The following MYO3B variants were observed in gnomAD, a reference collection of about 807,000 sequenced individuals.
MYO3B encodes myosin-IIIb.
In MYO3B, 156 loss-of-function variants were observed where a neutral mutation model predicts 174.6. That is an observed-to-expected ratio of 0.89 (90% CI 0.78 to 1.02). MYO3B has a LOEUF of 1.02. Ranked by LOEUF, MYO3B falls within the 50% of genes least tolerant of loss-of-function variation. MYO3B has a pLI of 0.00. For synonymous variants in MYO3B, 563 were observed against 569.1 expected (o/e 0.99, Z 0.15); for missense variants, 1,632 against 1,639.4 (o/e 1.00, Z 0.08).
At chr2:170,615,013 T>TGAC (rs1456078887) in intron 32 of MYO3B, among the ~76,000 whole-genome samples, 9 of 152,192 alleles carry the variant, frequency 5.9e-5, no homozygotes, top group African/African-American at 2.2e-4. Context: ...ACTTTCTGTT[T>TGAC]CTTACATTAA....
At chr2:170,543,160 A>G (rs1233742791) in intron 31 of MYO3B, among the ~76,000 whole-genome samples, 194 bp downstream of exon 31, 2 of 152,204 alleles carry the variant, frequency 1.3e-5, no homozygotes, top group Non-Finnish European at 2.9e-5. Context: ...ACAGGGAGGT[A>G]CAGGGGAGAG....
rs1031723347 is a variant in MYO3B, at chr2:170,622,718, A to C, written c.3734-28910A>C. Among the ~76,000 whole-genome samples, 85 of 126,520 alleles carry C rather than the reference A, an allele frequency of 6.7e-4. No individual in the cohort carries two copies. In the East Asian group the frequency reaches 0.013, roughly 19 times the overall value. 83.0% of individuals were successfully genotyped at this position (126,520 alleles called of 152,430 possible). On this transcript the variant is annotated intron_variant, in intron 32 of 34. Transcript: ENST00000408978. ...GGTATATCTCCTAATGCTATCCCTC[A>C]CCCCTCCCCCCACCCCACAACAGGC...
intron 6 of MYO3B, among the ~76,000 whole-genome samples, chr2:170,217,990 G>C (rs1160618183): frequency 1.3e-5 from 2 of 152,334 alleles, no homozygotes; most frequent in Admixed American, 1.3e-4. Flanking sequence ...CACCAGTGCA[G>C]TTTAGTTTTT....
intron 32 of MYO3B, among the ~76,000 whole-genome samples, chr2:170,574,651 T>C (rs1443626453): frequency 1.3e-5 from 2 of 152,190 alleles, no homozygotes; most frequent in East Asian, 3.8e-4. Context: ...AGGACAGTTA[T>C]GGTGAGTTGT....
chr2:170,482,830 C>G lies in MYO3B; in HGVS notation c.3015-15762C>G, dbSNP rs185974728. ...TAGGAATAGGCAATATCAGTCTTTC[C>G]AGAATATTATAGGCTAAAGAGAACT... On this transcript the variant is annotated intron_variant, in intron 25 of 34. Coordinates refer to ENST00000408978, the MANE Select transcript of MYO3B (RefSeq NM_138995.5). 1.4e-3 allele frequency among the ~76,000 whole-genome samples: 206 copies of G among 152,284 alleles called. 3 individuals carry two copies. The highest frequency in any genetic ancestry group is 0.011 in the Admixed American group (173 of 15,286).
intron 32 of MYO3B, among the ~76,000 whole-genome samples, chr2:170,650,497 T>G (rs1698914904): frequency 1.3e-5 from 2 of 151,970 alleles, no homozygotes; most frequent in African/African-American, 4.8e-5. Context: ...TCCTCCAGGA[T>G]AGTGATAGCT....
chr2:170,357,794 CAT>C lies in MYO3B; in HGVS notation c.816-11427_816-11426del, dbSNP rs372360482. Among the ~76,000 whole-genome samples the C allele has an allele frequency of 8.1e-4, 123 of 152,268 alleles. 2 individuals carry two copies. In the South Asian group the frequency reaches 0.02, roughly 25 times the overall value. On this transcript the variant is annotated intron_variant, in intron 8 of 34. Transcript: ENST00000408978. ...ACCAGCAATCCAGGGGAAATGAAAACATGTGTCCACATAAAAGCTTGTACAGA... is the reference window on the plus strand; with the variant it reads ...ACCAGCAATCCAGGGGAAATGAAAACGTGTCCACATAAAAGCTTGTACAGA...
At chr2:170,360,113 T>A (rs2094149956) in intron 8 of MYO3B, among the ~76,000 whole-genome samples, 1 of 152,158 alleles carries the variant, frequency 6.6e-6, no homozygotes, top group Non-Finnish European at 1.5e-5. Flanking sequence ...CCTGAGCATG[T>A]AATGATCATG....
At chr2:170,476,307 C>T in intron 25 of MYO3B, among the ~76,000 whole-genome samples, 1 of 91,496 alleles carries the variant, frequency 1.1e-5, no homozygotes, top group East Asian at 2.6e-4. Flanking sequence ...CCGCAGATGG[C>T]TTAAGTGTTA....
At chr2:170,246,636 C>A (rs1430278963) in intron 7 of MYO3B, among the ~76,000 whole-genome samples, 2 of 152,104 alleles carry the variant, frequency 1.3e-5, no homozygotes, top group Non-Finnish European at 2.9e-5. Flanking sequence ...GATCCTCCCC[C>A]AGAGGCTTCA....
chr2:170,626,683 T>G (rs1389184986), intron 32 of MYO3B, among the ~76,000 whole-genome samples: 1 of 152,236 alleles, frequency 6.6e-6, no homozygotes. Flanking sequence ...CAGTGGCTGG[T>G]ACCAGTTGTT....
chr2:170,253,051 T>A (rs1359493988), intron 7 of MYO3B, among the ~76,000 whole-genome samples: 1 of 152,020 alleles, frequency 6.6e-6, no homozygotes, highest in Non-Finnish European at 1.5e-5. Flanking sequence ...GGGTTTGGAG[T>A]GGAAAAGTAA....
chr2:170,485,198 C>T (rs1280404280), intron 25 of MYO3B, among the ~76,000 whole-genome samples: 1 of 152,024 alleles, frequency 6.6e-6, no homozygotes, highest in Non-Finnish European at 1.5e-5. Flanking sequence ...AAAACCATAA[C>T]AATTTTTACC....
intron 32 of MYO3B, among the ~76,000 whole-genome samples, chr2:170,604,309 T>G (rs1442331797): frequency 2.6e-5 from 4 of 152,214 alleles, no homozygotes; most frequent in African/African-American, 9.6e-5. Flanking sequence ...AGCCTTAGAA[T>G]TGTATGTATA....
rs549957882 is a variant in MYO3B, at chr2:170,394,584, A to G, written c.1791+2089A>G. Among the ~76,000 whole-genome samples, 6 of 152,348 alleles carry G rather than the reference A, an allele frequency of 3.9e-5. No individual in the cohort carries two copies. In the South Asian group the frequency reaches 1.2e-3, roughly 32 times the overall value. On this transcript the variant is annotated intron_variant, in intron 16 of 34. Coordinates refer to ENST00000408978, the MANE Select transcript of MYO3B (RefSeq NM_138995.5). ...ATGTAAAAGATGGTGAACATTTTTC[A>G]TTTGTGCCTGGTCTGTACTGTTAAA...
chr2:170,490,320 A>C (rs955458509), intron 25 of MYO3B, among the ~76,000 whole-genome samples: 1 of 152,038 alleles, frequency 6.6e-6, no homozygotes, highest in Admixed American at 6.5e-5. Flanking sequence ...GAGCCACCGC[A>C]CCCGGCCTCA....
At chr2:170,558,775 T>G (rs559745193) in intron 32 of MYO3B, among the ~76,000 whole-genome samples, 1 of 152,334 alleles carries the variant, frequency 6.6e-6, no homozygotes, top group East Asian at 1.9e-4. Flanking sequence ...GTGGCAAAGC[T>G]GGCTTTGGAG....
At chr2:170,637,320 C>T (rs1283357019) in intron 32 of MYO3B, among the ~76,000 whole-genome samples, 10 of 151,788 alleles carry the variant, frequency 6.6e-5, no homozygotes, top group East Asian at 1.9e-4. Context: ...TACAGGCATA[C>T]GCCACCAGGC....
At chr2:170,644,886 T>C (rs1698246246) in intron 32 of MYO3B, among the ~76,000 whole-genome samples, 1 of 152,100 alleles carries the variant, frequency 6.6e-6, no homozygotes, top group South Asian at 2.1e-4. Flanking sequence ...TAAAGTTCTA[T>C]AACAATTCAG....
Sources: allele counts gnomAD v4.1 joint callset (sites outside exome capture counted in the v4.1 genomes callset), GRCh38; gene constraint gnomAD v4.1.1; transcripts MANE v1.5; gene names NCBI Gene and HGNC (gene_info 2026-07-23, HGNC 2026-07-21).